Variants in FGD6 observed in about 807,000 individuals in gnomAD.
FGD6 encodes the protein FYVE, RhoGEF and PH domain-containing protein 6.
In FGD6, 90 loss-of-function variants were observed where a neutral mutation model predicts 149.4. That is an observed-to-expected ratio of 0.60 (90% CI 0.51 to 0.72). The LOEUF (loss-of-function observed/expected upper bound fraction) is 0.72. FGD6 is among the 30% of genes least tolerant of loss of function. FGD6 has a pLI of 0.00. For synonymous variants in FGD6, 527 were observed against 584.0 expected, an observed-to-expected ratio of 0.90 and a Z score of 1.41; for missense variants, 1,437 against 1,684.8, an observed-to-expected ratio of 0.85 and a Z score of 2.57.
rs1878909970 is a variant in FGD6, at chr12:95,113,665, T to G, written c.3119A>C (p.Tyr1040Ser). 6.3e-7 allele frequency: 1 copy of G among 1,595,238 alleles called. No individual in the cohort carries two copies. The highest frequency in any genetic ancestry group is 8.5e-7 in the Non-Finnish European group (1 of 1,173,204). ...LKNLIEDAGD[Y>S]RDTQDALAVV... is the part of the protein sequence containing the mutation. ...AAGTTATTTACCTTGAGTGTCTCTG[T>G]AATCTCCAGCATCTTCTATGAGATT... Residue 1040 changes from tyrosine to serine, a missense_variant, in exon 9 of 21, where the codon TAC (tyrosine) becomes TCC (serine). Tyr to Ser is a moderately radical substitution (Grantham distance 144). Coordinates refer to ENST00000343958, the MANE Select transcript of FGD6 (RefSeq NM_018351.4).
At chr12:95,090,930 G>A (rs930167433) in intron 17 of FGD6, among the ~76,000 whole-genome samples, 10 of 151,998 alleles carry the variant, frequency 6.6e-5, no homozygotes, top group Admixed American at 1.3e-4. Flanking sequence ...AGACCGCCCC[G>A]CGTCTCTACT....
intron 17 of FGD6, among the ~76,000 whole-genome samples, chr12:95,090,532 T>C (rs913164638): frequency 2.6e-5 from 4 of 152,056 alleles, no homozygotes; most frequent in African/African-American, 9.7e-5. Context: ...GATGATAAAA[T>C]TGACAAGAGT....
At chr12:95,097,674 A>G (rs1307263616) in intron 14 of FGD6, among the ~76,000 whole-genome samples, 1 of 148,344 alleles carries the variant, frequency 6.7e-6, no homozygotes, top group African/African-American at 2.5e-5. Flanking sequence ...ATGCCACACC[A>G]TTTACTACAT....
At chr12:95,206,302 A>G (rs2056692604) in intron 2 of FGD6, among the ~76,000 whole-genome samples, 1 of 151,170 alleles carries the variant, frequency 6.6e-6, no homozygotes, top group South Asian at 2.1e-4. Context: ...ACAAAAAAAT[A>G]TGCAAAAGCA....
At chr12:95,179,988 G>C (rs577923086) in intron 2 of FGD6, among the ~76,000 whole-genome samples, 1 of 151,088 alleles carries the variant, frequency 6.6e-6, no homozygotes, top group African/African-American at 2.4e-5. Context: ...TGAGGCAGGA[G>C]AACTGCTTGA....
intron 15 of FGD6, among the ~76,000 whole-genome samples, chr12:95,094,031 T>C (rs747450471): frequency 2.8e-4 from 43 of 151,440 alleles, no homozygotes; most frequent in Non-Finnish European, 5.5e-4. Flanking sequence ...TGGTGGTGCA[T>C]GCCTGTAATC....
chr12:95,142,630 CTG>C (rs1879885799), intron 5 of FGD6, among the ~76,000 whole-genome samples: 1 of 152,204 alleles, frequency 6.6e-6, no homozygotes. Context: ...TCCTTATTTA[CTG>C]TGTTTCCTTG....
Position 95,166,853 on chromosome 12 carries a change from A to G in FGD6, c.2586+5747T>C, listed in dbSNP as rs534079562. 1.9e-3 allele frequency among the ~76,000 whole-genome samples: 228 copies of G among 122,182 alleles called. 2 individuals carry two copies. Among genetic ancestry groups the G allele is most frequent in the Middle Eastern group, 4.3e-3 (1 of 234 alleles). The allele number at this position is 122,182 out of a possible 152,430, so 80.2% of individuals were successfully genotyped here. A position where few individuals can be genotyped will look rare whatever the true frequency, so the allele number is the denominator to read the frequency against. On this transcript the variant is annotated intron_variant, in intron 3 of 20. Coordinates refer to ENST00000343958, the MANE Select transcript of FGD6 (RefSeq NM_018351.4). The stretch of plus-strand genomic sequence containing the variant: ...TTTGATTAGTATTTGGGTTCTTTCT[A>G]CTTTTTTTTTTTTTTTTTTTTGAGT...
At chr12:95,200,362 T>C (rs2056649558) in intron 2 of FGD6, among the ~76,000 whole-genome samples, 1 of 152,210 alleles carries the variant, frequency 6.6e-6, no homozygotes, top group South Asian at 2.1e-4. Flanking sequence ...TCAGTGTTTA[T>C]TATTTCACCT....
chr12:95,097,433 C>T (rs1306674687), intron 14 of FGD6, among the ~76,000 whole-genome samples: 5 of 151,902 alleles, frequency 3.3e-5, no homozygotes, highest in East Asian at 1.9e-4. Flanking sequence ...GTCAGGAGTT[C>T]GAGACCAGCC....
chr12:95,160,992 C>T (rs1880623103), intron 3 of FGD6, among the ~76,000 whole-genome samples: 1 of 151,946 alleles, frequency 6.6e-6, no homozygotes, highest in African/African-American at 2.4e-5. Flanking sequence ...CCAGGCTGGC[C>T]AACATGGTGA....
intron 8 of FGD6, among the ~76,000 whole-genome samples, chr12:95,115,500 T>G (rs963683586): frequency 3.3e-5 from 5 of 149,574 alleles, no homozygotes; most frequent in African/African-American, 4.9e-5. Context: ...CCTACCAAAG[T>G]GCTGGAATTA....
At chr12:95,181,431 G>T (rs776606571) in intron 2 of FGD6, among the ~76,000 whole-genome samples, 34 of 152,292 alleles carry the variant, frequency 2.2e-4, no homozygotes, top group Admixed American at 2.0e-4. Context: ...GCTTAGCTGG[G>T]AGGCATCCAG....
chr12:95,169,649 A>G (rs1222554639), intron 3 of FGD6, among the ~76,000 whole-genome samples: 1 of 152,194 alleles, frequency 6.6e-6, no homozygotes, highest in Non-Finnish European at 1.5e-5. Flanking sequence ...GATCCCTGAT[A>G]GAATGTGGAA....
intron 8 of FGD6, among the ~76,000 whole-genome samples, chr12:95,131,857 C>G (rs1427938609): frequency 1.3e-5 from 2 of 151,986 alleles, no homozygotes; most frequent in African/African-American, 2.4e-5. Context: ...CTGGCCAACA[C>G]AGCAAAACCA....
Position 95,080,645 on chromosome 12 carries a change from A to G in FGD6, c.*875T>C, listed in dbSNP as rs781598330. 6.6e-6 allele frequency: 1 copy of G among 152,220 alleles called. No homozygotes were observed. Among genetic ancestry groups the G allele is most frequent in the Non-Finnish European group, 1.5e-5 (1 of 68,042 alleles). The allele number at this position is 152,220 out of a possible 1,614,324, so 9.4% of individuals were successfully genotyped here. A position where few individuals can be genotyped will look rare whatever the true frequency, so the allele number is the denominator to read the frequency against. ...GAAATGTAACATTACTTATAGATAC[A>G]AATATCATCATTGACTTGGGCTCAG... On this transcript the variant is annotated 3_prime_UTR_variant, in exon 21 of 21. Coordinates refer to ENST00000343958, the MANE Select transcript of FGD6 (RefSeq NM_018351.4).
At chr12:95,095,771 T>G (rs1206894447) in intron 14 of FGD6, among the ~76,000 whole-genome samples, 1 of 152,084 alleles carries the variant, frequency 6.6e-6, no homozygotes, top group African/African-American at 2.4e-5. Context: ...CCCAACACTT[T>G]GGGAGGCTAA....
At chr12:95,089,322 T>C (rs1000928263) in intron 18 of FGD6, among the ~76,000 whole-genome samples, 3 of 152,244 alleles carry the variant, frequency 2.0e-5, no homozygotes, top group Admixed American at 6.5e-5. Flanking sequence ...GTCCAACTTA[T>C]CTTTACTTTC....
intron 2 of FGD6, among the ~76,000 whole-genome samples, chr12:95,196,441 A>C (rs1881738424): frequency 6.6e-6 from 1 of 151,980 alleles, no homozygotes; most frequent in South Asian, 2.1e-4. Context: ...TATGTTGGCC[A>C]GGCTGGTCTC....
Sources: allele counts gnomAD v4.1 joint callset (sites outside exome capture counted in the v4.1 genomes callset), GRCh38; gene constraint gnomAD v4.1.1; transcripts MANE v1.5; gene names NCBI Gene and HGNC (gene_info 2026-07-23, HGNC 2026-07-21).